AGBL3: variants seen among roughly 807,000 people sequenced by gnomAD.
The protein encoded by AGBL3 is AGBL carboxypeptidase 3.
AGBL3 carries 68 observed loss-of-function variants against 94.5 expected under a neutral mutation model. The ratio of observed to expected loss-of-function variants is 0.72; its 90% CI spans 0.59 to 0.88. The LOEUF (loss-of-function observed/expected upper bound fraction) is 0.88, where lower values mean the gene tolerates loss of function less well. Ranked by LOEUF, AGBL3 falls within the 40% of genes least tolerant of loss-of-function variation. AGBL3 has a pLI of 0.00. For missense variants in AGBL3, 934 were observed against 1,103.8 expected, an observed-to-expected ratio of 0.85 and a Z score of 2.18; for synonymous variants, 354 against 370.7, an observed-to-expected ratio of 0.95 and a Z score of 0.52.
intron 15 of AGBL3, among the ~76,000 whole-genome samples, chr7:135,096,784 A>T (rs2116979055): frequency 6.6e-6 from 1 of 151,514 alleles, no homozygotes; most frequent in East Asian, 1.9e-4. Context: ...AGAAAGAAAG[A>T]AAGAAAGAAA....
At chr7:135,016,684 A>G (rs1162016810) in intron 4 of AGBL3, among the ~76,000 whole-genome samples, 1 of 152,160 alleles carries the variant, frequency 6.6e-6, no homozygotes, top group Admixed American at 6.5e-5. Context: ...ATTATCAAGC[A>G]AAGAAGCTGA....
chr7:135,092,625 T>A (rs1822018934), intron 15 of AGBL3: 1 of 152,164 alleles, frequency 6.6e-6, no homozygotes, highest in Admixed American at 6.5e-5. Context: ...CAAATGCTAC[T>A]TATTGTGTTA....
In AGBL3 at chr7:135,038,733, G is replaced by A. The variant is rs112379533; in HGVS notation, c.1500+1153G>A. Among the ~76,000 whole-genome samples the A allele has an allele frequency of 2.2e-3, 328 of 152,228 alleles. 1 individual carries two copies. The highest frequency in any genetic ancestry group is 7.4e-3 in the African/African-American group (308 of 41,548). On this transcript the variant is annotated intron_variant, in intron 8 of 16. Coordinates refer to ENST00000436302, the MANE Select transcript of AGBL3 (RefSeq NM_178563.4). ...TCCTAGCACTTTGGGAGCCCGAGGC[G>A]GGTGGATCACGAGGTCAGGAGATCG...
chr7:135,041,748 G>C (rs1314983622), intron 8 of AGBL3, among the ~76,000 whole-genome samples: 4 of 152,064 alleles, frequency 2.6e-5, no homozygotes, highest in African/African-American at 9.7e-5. Flanking sequence ...ATCCTGCTAA[G>C]CGAATACAAA....
intron 4 of AGBL3, among the ~76,000 whole-genome samples, chr7:135,001,413 T>C (rs1563170556): frequency 2.6e-5 from 4 of 152,202 alleles, no homozygotes; most frequent in Admixed American, 6.5e-5. Flanking sequence ...CTATCCATAT[T>C]AGTTTGTGAG....
intron 12 of AGBL3, among the ~76,000 whole-genome samples, chr7:135,070,403 C>G (rs1260720198): frequency 2.6e-5 from 4 of 152,188 alleles, no homozygotes; most frequent in Non-Finnish European, 5.9e-5. Context: ...GATACCAAAG[C>G]TTGGCAGAGA....
intron 4 of AGBL3, among the ~76,000 whole-genome samples, chr7:135,001,411 A>G (rs1811699591): frequency 6.6e-6 from 1 of 152,162 alleles, no homozygotes. Flanking sequence ...GTCTATCCAT[A>G]TTAGTTTGTG....
intron 15 of AGBL3, among the ~76,000 whole-genome samples, chr7:135,111,700 G>A (rs147028149): frequency 5.3e-5 from 8 of 152,202 alleles, no homozygotes; most frequent in East Asian, 1.9e-4. Context: ...TTCATGAAAC[G>A]TGTTGAAATA....
chr7:135,126,414 C>G (rs1478277788), intron 16 of AGBL3, among the ~76,000 whole-genome samples: 1 of 152,188 alleles, frequency 6.6e-6, no homozygotes, highest in Non-Finnish European at 1.5e-5. Context: ...GAAAAACATT[C>G]CATCCTCGTG....
intron 16 of AGBL3, among the ~76,000 whole-genome samples, chr7:135,128,021 C>T (rs148773621): frequency 2.2e-4 from 34 of 152,010 alleles, no homozygotes; most frequent in African/African-American, 8.0e-4. Context: ...CTGCCAGGCA[C>T]GGTGGCTCAC....
chr7:135,068,551 A>G (rs1216732610), intron 12 of AGBL3, among the ~76,000 whole-genome samples: 1 of 152,226 alleles, frequency 6.6e-6, no homozygotes, highest in Non-Finnish European at 1.5e-5. Context: ...CAGAAACTCT[A>G]CAAGCCAGAA....
At chr7:135,068,079 C>T (rs796264067) in intron 12 of AGBL3, among the ~76,000 whole-genome samples, 2 of 152,136 alleles carry the variant, frequency 1.3e-5, no homozygotes, top group African/African-American at 2.4e-5. Context: ...ACAAGAACTA[C>T]GTGATGAATG....
At chr7:135,130,200 A>C (rs1021860091) in intron 16 of AGBL3, among the ~76,000 whole-genome samples, 1 of 152,200 alleles carries the variant, frequency 6.6e-6, no homozygotes, top group Non-Finnish European at 1.5e-5. Flanking sequence ...AATTTCTGCC[A>C]AGTCAGTTCT....
At chr7:135,051,580 T>C (rs768945431) in intron 11 of AGBL3, among the ~76,000 whole-genome samples, 9 of 152,052 alleles carry the variant, frequency 5.9e-5, no homozygotes, top group Admixed American at 1.3e-4. Context: ...TAGATGATAG[T>C]TATTATTGCG....
At chr7:135,033,050 A>T (rs1166160825) in intron 6 of AGBL3, 68 bp downstream of exon 6, 6 of 1,403,886 alleles carry the variant, frequency 4.3e-6, no homozygotes, top group Non-Finnish European at 5.7e-6. Context: ...CAAGTACATT[A>T]AAGTTCTTAG....
At chr7:135,105,312 C>T (rs538458701) in intron 15 of AGBL3, among the ~76,000 whole-genome samples, 136 of 138,338 alleles carry the variant, frequency 9.8e-4, no homozygotes, top group Non-Finnish European at 1.7e-3. Context: ...TCAGGTGATC[C>T]GCCTGCCTCG....
intron 12 of AGBL3, among the ~76,000 whole-genome samples, chr7:135,073,537 T>A (rs11979458): frequency 1.3e-5 from 2 of 151,084 alleles, no homozygotes; most frequent in Non-Finnish European, 2.9e-5. Context: ...AAGAGTGTAG[T>A]AGGAAGAGCC....
intron 11 of AGBL3, among the ~76,000 whole-genome samples, chr7:135,056,062 T>C (rs1172781695): frequency 6.6e-6 from 1 of 152,158 alleles, no homozygotes; most frequent in African/African-American, 2.4e-5. Flanking sequence ...CAGTTGTTAG[T>C]ATCCCTTCTT....
In AGBL3 at chr7:135,059,241, AC is replaced by A; in HGVS notation, c.1908+7del. Reference sequence around the variant, plus strand: ...TTCTCAAGTTAACTTCTCAGGTATGACTGAACATTTTTGCTTATATGTGGAT... The same window carrying A: ...TTCTCAAGTTAACTTCTCAGGTATGATGAACATTTTTGCTTATATGTGGAT... On this transcript the variant is annotated splice_region_variant and intron_variant, in intron 12 of 16. Coordinates refer to ENST00000436302, the MANE Select transcript of AGBL3 (RefSeq NM_178563.4). 6.5e-7 allele frequency: 1 copy of A among 1,549,388 alleles called. No individual in the cohort carries two copies. Among genetic ancestry groups the A allele is most frequent in the Non-Finnish European group, 8.7e-7 (1 of 1,145,316 alleles).
Sources: allele counts gnomAD v4.1 joint callset (sites outside exome capture counted in the v4.1 genomes callset), GRCh38; gene constraint gnomAD v4.1.1; transcripts MANE v1.5; gene names NCBI Gene and HGNC (gene_info 2026-07-23, HGNC 2026-07-21).